The following TRIM59 variants were observed in gnomAD, a reference collection of about 807,000 sequenced individuals.
The protein encoded by TRIM59 is tripartite motif-containing protein 59.
TRIM59 carries 14 observed loss-of-function variants against 32.2 expected under a neutral mutation model. The ratio of observed to expected loss-of-function variants is 0.43; its 90% CI spans 0.29 to 0.68. TRIM59 has a LOEUF of 0.68. TRIM59 is among the 30% of genes least tolerant of loss of function. TRIM59 has a pLI of 0.15. For missense variants in TRIM59, 471 were observed against 463.3 expected (o/e 1.02, Z -0.15); for synonymous variants, 163 against 155.1 (o/e 1.05, Z -0.38).
intron 2 of TRIM59, among the ~76,000 whole-genome samples, chr3:160,439,991 G>A (rs1398520389): frequency 1.3e-5 from 2 of 152,168 alleles, no homozygotes; most frequent in Non-Finnish European, 2.9e-5. Context: ...CTTAGCAAAA[G>A]TATATTCTTT....
rs1719027062 is a variant in TRIM59, at chr3:160,437,264, G to A, written c.*708C>T. 5 of 633,504 alleles carry A rather than the reference G, an allele frequency of 7.9e-6. No individual in the cohort carries two copies. The highest frequency in any genetic ancestry group is 7.9e-6 in the Non-Finnish European group (4 of 509,032). 39.2% of individuals were successfully genotyped at this position (633,504 alleles called of 1,614,324 possible). A position where few individuals can be genotyped will look rare whatever the true frequency, so the allele number is the denominator to read the frequency against. On this transcript the variant is annotated 3_prime_UTR_variant, in exon 3 of 3. Coordinates refer to ENST00000309784, the MANE Select transcript of TRIM59 (RefSeq NM_173084.3). The stretch of plus-strand genomic sequence containing the variant: ...AGCTGCTCCAGAGGCAGAGGCGGGA[G>A]GATCGATTGAGCCTGGGTGGTCGAA...
At chr3:160,449,547 A>C (rs1719712266) in intron 1 of TRIM59, 170 bp downstream of exon 1, 1 of 1,263,776 alleles carries the variant, frequency 7.9e-7, no homozygotes, top group Non-Finnish European at 1.0e-6. Context: ...TGGCTCCCCA[A>C]ACTCCAGTAT....
At chr3:160,444,817 C>T (rs910663118) in intron 2 of TRIM59, among the ~76,000 whole-genome samples, 1 of 152,160 alleles carries the variant, frequency 6.6e-6, no homozygotes, top group African/African-American at 2.4e-5. Flanking sequence ...ATCTGGCCAG[C>T]CAAGCTTTCA....
rs1345556229 is a variant in TRIM59 at position 160,438,809 on chromosome 3, T to C, written c.375A>G (p.Gln125=). The change falls in exon 3 of 3, where the codon CAA becomes CAG. Residue 125 remains glutamine (Q), a synonymous_variant. Transcript: ENST00000309784. ...LVCGHCLTIG[Q]HHGHPIDDLQ... ...GGTCATCTATAGGATGACCATGATGTTGACCTATGGTAAGGCAATGACCAC... is the reference window on the plus strand; with the variant it reads ...GGTCATCTATAGGATGACCATGATGCTGACCTATGGTAAGGCAATGACCAC... 6 of 1,613,994 alleles carry C rather than the reference T, an allele frequency of 3.7e-6. No homozygotes were observed. Among genetic ancestry groups the C allele is most frequent in the South Asian group, 3.3e-5 (3 of 91,082 alleles).
At chr3:160,449,537 T>C in intron 1 of TRIM59, 180 bp downstream of exon 1, 3 of 1,254,644 alleles carry the variant, frequency 2.4e-6, no homozygotes, top group Non-Finnish European at 3.1e-6. Context: ...GACGGGAAAG[T>C]GGCTCCCCAA....
In TRIM59 at chr3:160,437,874, G is replaced by C; in HGVS notation, c.*98C>G. The C allele has an allele frequency of 7.2e-7, 1 of 1,379,698 alleles. No individual in the cohort carries two copies. Among genetic ancestry groups the C allele is most frequent in the Non-Finnish European group, 9.4e-7 (1 of 1,065,388 alleles). 85.5% of individuals were successfully genotyped at this position (1,379,698 alleles called of 1,614,324 possible). A position where few individuals can be genotyped will look rare whatever the true frequency, so the allele number is the denominator to read the frequency against. On this transcript the variant is annotated 3_prime_UTR_variant, in exon 3 of 3. Coordinates refer to ENST00000309784, the MANE Select transcript of TRIM59 (RefSeq NM_173084.3). Reference sequence around the variant, plus strand: ...TAAACATTTGTTTATATTAGTTGCAGCACTAATAAAGCTTAGTTTGCTCTT... The same window carrying C: ...TAAACATTTGTTTATATTAGTTGCACCACTAATAAAGCTTAGTTTGCTCTT...
chr3:160,444,118 C>G (rs1719398272), intron 2 of TRIM59, among the ~76,000 whole-genome samples: 1 of 151,646 alleles, frequency 6.6e-6, no homozygotes, highest in Admixed American at 6.6e-5. Flanking sequence ...ACTGATTTTA[C>G]CAAAGAGTAA....
chr3:160,438,989 A>G lies in TRIM59; in HGVS notation c.195T>C (p.Ile65=), dbSNP rs1560024123. ...KCPNCRSITE[I]APTGIESLPV... is the part of the protein sequence containing the mutation. Reference sequence around the variant, plus strand: ...GTAAAGATTCAATGCCAGTTGGAGCAATTTCAGTAATACTTCTGCAATTAG... The same window carrying G: ...GTAAAGATTCAATGCCAGTTGGAGCGATTTCAGTAATACTTCTGCAATTAG... Residue 65 remains isoleucine (I), a synonymous_variant, in exon 3 of 3, where the codon ATT becomes ATC. Coordinates refer to ENST00000309784, the MANE Select transcript of TRIM59 (RefSeq NM_173084.3). The G allele has an allele frequency of 3.1e-6, 5 of 1,614,046 alleles. No individual in the cohort carries two copies. The South Asian group carries it at 3.3e-5, about 11-fold the overall frequency.
chr3:160,438,201 T>G lies in TRIM59; in HGVS notation c.983A>C (p.Lys328Thr). 6.2e-7 allele frequency: 1 copy of G among 1,612,898 alleles called. No individual in the cohort carries two copies. Among genetic ancestry groups the G allele is most frequent in the Non-Finnish European group, 8.5e-7 (1 of 1,179,682 alleles). The change falls in exon 3 of 3, where the codon AAA (lysine) becomes ACA (threonine). Residue 328 changes from lysine (K) to threonine (T), a missense_variant. Physicochemically the swap from Lys to Thr is moderately conservative, Grantham distance 78. Coordinates refer to ENST00000309784, the MANE Select transcript of TRIM59 (RefSeq NM_173084.3). ...TGTAACTACAACAATGTTTAAAATT[T>G]TTAAAAATTCAACTTCCTTTTCATC... ...GKDEKEVEFL[K>T]ILNIVVVTLI...
intron 2 of TRIM59, among the ~76,000 whole-genome samples, chr3:160,446,310 T>C (rs1368636245): frequency 6.6e-6 from 1 of 152,036 alleles, no homozygotes; most frequent in Non-Finnish European, 1.5e-5. Context: ...ATAACATGAT[T>C]CCAAAACCTG....
Position 160,437,108 on chromosome 3 carries a change from T to C in TRIM59, c.*864A>G, listed in dbSNP as rs1053460537. On this transcript the variant is annotated 3_prime_UTR_variant, in exon 3 of 3. Transcript: ENST00000309784. ...GGCTAACGTCTGTAATCCCAGCACT[T>C]TGGGAGGCCAAGGTGGGCAGATCTC... 2 of 971,172 alleles carry C rather than the reference T, an allele frequency of 2.1e-6. No homozygotes were observed. Among genetic ancestry groups the C allele is most frequent in the African/African-American group, 1.8e-5 (1 of 56,944 alleles). 60.2% of individuals were successfully genotyped at this position (971,172 alleles called of 1,614,324 possible).
intron 2 of TRIM59, among the ~76,000 whole-genome samples, chr3:160,439,870 T>G (rs1719152477): frequency 1.3e-5 from 2 of 152,230 alleles, no homozygotes; most frequent in Non-Finnish European, 2.9e-5. Flanking sequence ...TGTTAAAGTC[T>G]ACTTAGTGAT....
rs1485942128 is a variant in TRIM59 at position 160,438,867 on chromosome 3, T to G, written c.317A>C (p.Asn106Thr). 15 of 1,613,930 alleles carry G rather than the reference T, an allele frequency of 9.3e-6. No homozygotes were observed. Among genetic ancestry groups the G allele is most frequent in the Non-Finnish European group, 1.3e-5 (15 of 1,179,960 alleles). Reference sequence around the variant, plus strand: ...TTTTTTATCTAATAGACAGTAAACATTTAATGGTTGCCTGTAATGTTCAGG... The same window carrying G: ...TTTTTTATCTAATAGACAGTAAACAGTTAATGGTTGCCTGTAATGTTCAGG... ...TCPEHYRQPLNVYCLLDKKLV... is the reference protein window; with the variant it reads ...TCPEHYRQPLTVYCLLDKKLV... The change falls in exon 3 of 3, where the codon AAT (asparagine) becomes ACT (threonine). Residue 106 changes from asparagine (N) to threonine (T), a missense_variant. Physicochemically the swap from Asn to Thr is moderately conservative, Grantham distance 65. Coordinates refer to ENST00000309784, the MANE Select transcript of TRIM59 (RefSeq NM_173084.3).
intron 2 of TRIM59, among the ~76,000 whole-genome samples, chr3:160,440,925 C>T (rs899888005): frequency 1.3e-5 from 2 of 152,110 alleles, no homozygotes; most frequent in Admixed American, 6.6e-5. Context: ...AAATAAACAC[C>T]CAAGTGCCAT....
Position 160,435,828 on chromosome 3 carries a change from AAG to A in TRIM59, c.*2142_*2143del, listed in dbSNP as rs1367705267. On this transcript the variant is annotated 3_prime_UTR_variant, in exon 3 of 3. Transcript: ENST00000309784. ...GTTGAGTGATAGCATGAACTCTGAAAAGAGAATGCATGGGTTTTCTCACAGCT... is the reference window on the plus strand; with the variant it reads ...GTTGAGTGATAGCATGAACTCTGAAAAGAATGCATGGGTTTTCTCACAGCT... 5 of 636,998 alleles carry A rather than the reference AAG, an allele frequency of 7.8e-6. No individual in the cohort carries two copies. The highest frequency in any genetic ancestry group is 1.3e-5 in the Non-Finnish European group (5 of 395,328). The allele number at this position is 636,998 out of a possible 1,614,324, so 39.5% of individuals were successfully genotyped here.
chr3:160,443,289 G>T (rs755237456), intron 2 of TRIM59, among the ~76,000 whole-genome samples: 2 of 151,974 alleles, frequency 1.3e-5, no homozygotes, highest in Non-Finnish European at 2.9e-5. Context: ...GAACATCTTG[G>T]ATTTAGCTAT....
chr3:160,448,348 C>T (rs1236353871), intron 2 of TRIM59, among the ~76,000 whole-genome samples: 1 of 152,168 alleles, frequency 6.6e-6, no homozygotes, highest in Non-Finnish European at 1.5e-5. Flanking sequence ...TAGCTACTTA[C>T]TCATTTAAAA....
Position 160,436,431 on chromosome 3 carries a change from A to G in TRIM59, c.*1541T>C, listed in dbSNP as rs149415727. 3.5e-4 allele frequency: 341 copies of G among 985,942 alleles called. 3 individuals are homozygous for G. In the African/African-American group the frequency reaches 4.4e-3, roughly 13 times the overall value. 61.1% of individuals were successfully genotyped at this position (985,942 alleles called of 1,614,324 possible). ...GGCCAAAAGTCGTAACACATGCATC[A>G]TAACTCCAGTCCCTGTTAAAGGGAA... On this transcript the variant is annotated 3_prime_UTR_variant, in exon 3 of 3. Transcript: ENST00000309784.
chr3:160,438,045 T>C lies in TRIM59; in HGVS notation c.1139A>G (p.His380Arg), dbSNP rs1560023299. Residue 380 changes from histidine (H) to arginine (R), a missense_variant, in exon 3 of 3, where the codon CAT becomes CGT. Transcript: ENST00000309784. ...SVYQSLSNSL[H>R]KVKNILCHIF... ...GTGACACAGTATATTCTTTACCTTA[T>C]GCAGACTGTTAGATAAACTTTGGTA... The C allele has an allele frequency of 6.2e-6, 10 of 1,600,716 alleles. No individual in the cohort carries two copies. The East Asian group carries it at 1.1e-4, about 18-fold the overall frequency.
Sources: gnomAD v4.1 joint callset for allele counts (sites outside exome capture counted in the v4.1 genomes callset) on GRCh38, gnomAD v4.1.1 for gene constraint, MANE v1.5 for transcripts, NCBI Gene and HGNC (gene_info 2026-07-23, HGNC 2026-07-21) for gene names.